Variants in UBR2 observed in about 807,000 individuals in gnomAD.
UBR2 encodes the protein E3 ubiquitin-protein ligase UBR2.
In UBR2, 92 loss-of-function variants were observed where a neutral mutation model predicts 247.9. That is an observed-to-expected ratio of 0.37 (90% CI 0.31 to 0.44). The LOEUF is 0.44. Among genes scored for constraint, UBR2 ranks in the 20% least tolerant of loss-of-function variants. The probability of loss-of-function intolerance (pLI) is 1.00; values close to 1 mark genes in which losing one functional copy is unlikely to be tolerated. For missense variants in UBR2, 1,613 were observed against 2,112.6 expected, an observed-to-expected ratio of 0.76 and a Z score of 4.64; for synonymous variants, 672 against 693.5, an observed-to-expected ratio of 0.97 and a Z score of 0.49.
chr6:42,652,949 C>A (rs1351489556), intron 25 of UBR2, among the ~76,000 whole-genome samples: 4 of 152,114 alleles, frequency 2.6e-5, no homozygotes, highest in South Asian at 2.1e-4. Flanking sequence ...TGTTTCTAAT[C>A]TAATTATTTT....
intron 8 of UBR2, 91 bp downstream of exon 8, chr6:42,612,382 T>A: frequency 7.9e-7 from 1 of 1,268,490 alleles, no homozygotes; most frequent in Admixed American, 2.7e-5. Context: ...TCAACTGGAA[T>A]AATTTCCTGC....
At chr6:42,676,944 T>A in intron 40 of UBR2, 71 bp downstream of exon 40, 2 of 1,286,606 alleles carry the variant, frequency 1.6e-6, no homozygotes, top group Non-Finnish European at 2.2e-6. Context: ...AGAAAGGAAT[T>A]CGTTTGTTAA....
intron 11 of UBR2, among the ~76,000 whole-genome samples, chr6:42,631,280 A>G (rs1251756848): frequency 6.6e-6 from 1 of 152,124 alleles, no homozygotes; most frequent in African/African-American, 2.4e-5. Context: ...CAGAGTGCAA[A>G]ATGAAGTATT....
chr6:42,687,512 T>C (rs1799511501), intron 44 of UBR2, among the ~76,000 whole-genome samples: 2 of 151,104 alleles, frequency 1.3e-5, no homozygotes, highest in African/African-American at 4.8e-5. Flanking sequence ...GAGGGAGAGC[T>C]GTATGTTGTA....
rs1799813925 is a variant in UBR2 at position 42,692,837 on chromosome 6, G to A, written c.*1664G>A. 1 of 152,164 alleles carries A rather than the reference G, an allele frequency of 6.6e-6. No homozygotes were observed. The highest frequency in any genetic ancestry group is 1.5e-5 in the Non-Finnish European group (1 of 68,036). The allele number at this position is 152,164 out of a possible 1,614,324, so 9.4% of individuals were successfully genotyped here. On this transcript the variant is annotated 3_prime_UTR_variant, in exon 47 of 47. Transcript: ENST00000372901. ...AGGATGACCGTCGCCATTCTTGCGT[G>A]GGACTGACTCACCCAGCTGAGAGGA...
intron 34 of UBR2, among the ~76,000 whole-genome samples, chr6:42,668,085 A>T (rs1798228732): frequency 6.6e-6 from 1 of 151,860 alleles, no homozygotes; most frequent in Non-Finnish European, 1.5e-5. Context: ...AAGTGCTCAG[A>T]TCTGTCCGAT....
Position 42,644,302 on chromosome 6 carries a change from A to C in UBR2, c.2186A>C (p.Tyr729Ser). ...ELYQIFSTPD[Y>S]GKRFSSEITH... ...TATCAGATTTTCAGTACTCCAGACT[A>C]TGGAAAAAGATTTAGTTCTGAGATT... The change falls in exon 19 of 47, where the codon TAT becomes TCT. Residue 729 changes from tyrosine to serine, a missense_variant. Physicochemically the swap from Tyr to Ser is moderately radical, Grantham distance 144. Transcript: ENST00000372901. The C allele has an allele frequency of 6.2e-7, 1 of 1,613,548 alleles. No individual in the cohort carries two copies.
rs911500230 is a variant in UBR2 at position 42,679,408 on chromosome 6, A to G, written c.4610-316A>G. Among the ~76,000 whole-genome samples, 15 of 152,390 alleles carry G rather than the reference A, an allele frequency of 9.8e-5. No individual in the cohort carries two copies. In the East Asian group the frequency reaches 2.9e-3, roughly 29 times the overall value. On this transcript the variant is annotated intron_variant, in intron 41 of 46. Coordinates refer to ENST00000372901, the MANE Select transcript of UBR2 (RefSeq NM_001363705.2). The stretch of plus-strand genomic sequence containing the variant: ...TGGTTGATCCTTTTCCAGAGCACCC[A>G]TACATTTTTATCATTTAATGTTCAC...
intron 4 of UBR2, among the ~76,000 whole-genome samples, chr6:42,596,888 T>G (rs1240105494): frequency 6.6e-6 from 1 of 152,114 alleles, no homozygotes; most frequent in Non-Finnish European, 1.5e-5. Context: ...GTGATGGAAA[T>G]GTTTTGGAAC....
intron 4 of UBR2, among the ~76,000 whole-genome samples, chr6:42,596,162 T>G (rs1185810535): frequency 6.8e-6 from 1 of 148,056 alleles, no homozygotes; most frequent in Non-Finnish European, 1.5e-5. Context: ...ACTCAGCAAG[T>G]AAAAAGATAA....
intron 34 of UBR2, 21 bp downstream of exon 34, chr6:42,666,266 C>T (rs753680791): frequency 5.1e-6 from 8 of 1,569,938 alleles, no homozygotes; most frequent in African/African-American, 1.4e-5. Context: ...TATTTTACTC[C>T]TTTAATATTT....
At chr6:42,688,559 T>A (rs111470042) in intron 45 of UBR2, among the ~76,000 whole-genome samples, 173 bp downstream of exon 45, 1 of 152,202 alleles carries the variant, frequency 6.6e-6, no homozygotes, top group Non-Finnish European at 1.5e-5. Context: ...CCATGCCAAC[T>A]CTGTGTTGGT....
intron 31 of UBR2, 58 bp from the exon 32 acceptor site, chr6:42,663,200 G>T: frequency 1.5e-6 from 2 of 1,352,276 alleles, no homozygotes; most frequent in South Asian, 1.8e-5. Context: ...TGAAGCTTAT[G>T]GCTGTCATTT....
chr6:42,672,187 C>T (rs1052133004), intron 36 of UBR2, among the ~76,000 whole-genome samples: 9 of 152,096 alleles, frequency 5.9e-5, no homozygotes, highest in African/African-American at 2.2e-4. Flanking sequence ...TGCATGCCAC[C>T]GTGCCCAGCT....
chr6:42,577,397 A>G (rs1687489784), intron 2 of UBR2, among the ~76,000 whole-genome samples: 1 of 152,192 alleles, frequency 6.6e-6, no homozygotes, highest in African/African-American at 2.4e-5. Flanking sequence ...TTGGTCACAA[A>G]TTATTTTTCT....
At chr6:42,569,142 T>A (rs1790962137) in intron 1 of UBR2, among the ~76,000 whole-genome samples, 1 of 152,238 alleles carries the variant, frequency 6.6e-6, no homozygotes, top group African/African-American at 2.4e-5. Flanking sequence ...TTTTTACAAA[T>A]TTTTGTGGGG....
At position 42,666,224 on chromosome 6, in the gene UBR2, T is replaced by C. The variant is rs1224256444; in HGVS notation, c.3860T>C (p.Phe1287Ser). 1 of 1,612,544 alleles carries C rather than the reference T, an allele frequency of 6.2e-7. No individual in the cohort carries two copies. Among genetic ancestry groups the C allele is most frequent in the Non-Finnish European group, 8.5e-7 (1 of 1,179,406 alleles). ...GATGAATTACAGCTCCCTGAAGGGTTCAGGCCTGATTTTCGTCCTAAGTGA... is the reference window on the plus strand; with the variant it reads ...GATGAATTACAGCTCCCTGAAGGGTCCAGGCCTGATTTTCGTCCTAAGTGA... ...NVDELQLPEG[F>S]RPDFRPKIPY... The change falls in exon 34 of 47, where the codon TTC becomes TCC. Residue 1287 changes from phenylalanine (F) to serine (S), a missense_variant. Transcript: ENST00000372901.
At chr6:42,662,371 G>A (rs895042540) in intron 31 of UBR2, 94 bp downstream of exon 31, 4 of 762,184 alleles carry the variant, frequency 5.2e-6, no homozygotes, top group East Asian at 2.8e-5. Flanking sequence ...AAAAGGAAAA[G>A]AACTAAAAAT....
Position 42,564,304 on chromosome 6 carries a change from A to T in UBR2, c.-16A>T. On this transcript the variant is annotated 5_prime_UTR_variant, in exon 1 of 47. Transcript: ENST00000372901. ...TCTCCGGGCGGCGGTAGCGCTGGGG[A>T]GGAGGAGGAGAGAAGATGGCGTCGG... The T allele has an allele frequency of 6.2e-7, 1 of 1,600,570 alleles. No individual in the cohort carries two copies. Among genetic ancestry groups the T allele is most frequent in the Non-Finnish European group, 8.5e-7 (1 of 1,174,164 alleles).
Sources: allele counts gnomAD v4.1 joint callset (sites outside exome capture counted in the v4.1 genomes callset), GRCh38; gene constraint gnomAD v4.1.1; transcripts MANE v1.5; gene names NCBI Gene and HGNC (gene_info 2026-07-23, HGNC 2026-07-21).